MYLK: variants seen among roughly 807,000 people sequenced by gnomAD.
MYLK encodes myosin light chain kinase, smooth muscle.
In MYLK, 106 loss-of-function variants were observed where a neutral mutation model predicts 203.4. The ratio of observed to expected loss-of-function variants is 0.52; its 90% confidence interval spans 0.45 to 0.61. The LOEUF (loss-of-function observed/expected upper bound fraction) is 0.61. Among genes scored for constraint, MYLK ranks in the 20% least tolerant of loss-of-function variants. MYLK has a pLI of 0.00. For synonymous variants in MYLK, 867 were observed against 959.5 expected (o/e 0.90, Z 1.78); for missense variants, 2,072 against 2,442.3 (o/e 0.85, Z 3.20).
chr3:123,627,525 A>C (rs2058207469), intron 30 of MYLK, among the ~76,000 whole-genome samples: 1 of 152,224 alleles, frequency 6.6e-6, no homozygotes, highest in African/African-American at 2.4e-5. Flanking sequence ...CATCTTTCTG[A>C]AAGCTCTGGG....
intron 3 of MYLK, among the ~76,000 whole-genome samples, chr3:123,802,178 CTT>C (rs1416568480): frequency 6.6e-6 from 1 of 152,214 alleles, no homozygotes; most frequent in Non-Finnish European, 1.5e-5. Flanking sequence ...CCTTTCTACT[CTT>C]TGTTTCTCAG....
intron 2 of MYLK, among the ~76,000 whole-genome samples, chr3:123,837,040 T>C (rs1440608298): frequency 1.3e-5 from 2 of 152,118 alleles, no homozygotes; most frequent in Non-Finnish European, 1.5e-5. Flanking sequence ...TATAGTAACA[T>C]TTCTTTTTAT....
At chr3:123,835,427 A>C (rs2066452009) in intron 2 of MYLK, among the ~76,000 whole-genome samples, 1 of 152,238 alleles carries the variant, frequency 6.6e-6, no homozygotes, top group Non-Finnish European at 1.5e-5. Context: ...GCAACTGATC[A>C]GGGGTGGAAG....
chr3:123,652,696 C>T (rs1312130008), intron 24 of MYLK, among the ~76,000 whole-genome samples: 1 of 152,202 alleles, frequency 6.6e-6, no homozygotes, highest in East Asian at 1.9e-4. Context: ...AACAATTATA[C>T]AGACTAGAAC....
chr3:123,734,239 GT>G lies in MYLK; in HGVS notation c.774-18del. 2.7e-6 allele frequency: 4 copies of G among 1,483,458 alleles called. No homozygotes were observed. The highest frequency in any genetic ancestry group is 2.7e-6 in the Non-Finnish European group (3 of 1,119,832). 91.9% of individuals were successfully genotyped at this position (1,483,458 alleles called of 1,614,324 possible). ...ACAAATGACCTGTGTGGTGGTGAGG[GT>G]GGGGGTAGGGTGGGTGAGGAGAGGG... On this transcript the variant is annotated intron_variant, in intron 9 of 33. Transcript: ENST00000360304.
At chr3:123,768,903 C>A (rs986559014) in intron 4 of MYLK, among the ~76,000 whole-genome samples, 2 of 152,224 alleles carry the variant, frequency 1.3e-5, no homozygotes, top group African/African-American at 2.4e-5. Context: ...CACTCTCCCC[C>A]TCTCTGCCTG....
chr3:123,653,353 G>A (rs146525157), intron 24 of MYLK, among the ~76,000 whole-genome samples: 5 of 152,252 alleles, frequency 3.3e-5, no homozygotes, highest in East Asian at 1.9e-4. Context: ...TGAGCAGACC[G>A]TGGAGGACTT....
chr3:123,861,136 A>AG (rs2031865230), intron 2 of MYLK, among the ~76,000 whole-genome samples: 1 of 151,906 alleles, frequency 6.6e-6, no homozygotes, highest in Non-Finnish European at 1.5e-5. Context: ...TCTCAAAAAA[A>AG]AAACAAAAAA....
chr3:123,667,816 ACT>A (rs1014415090), intron 20 of MYLK, among the ~76,000 whole-genome samples: 4 of 151,908 alleles, frequency 2.6e-5, no homozygotes, highest in Non-Finnish European at 5.9e-5. Flanking sequence ...CTCATTAACC[ACT>A]CTCTCACCCT....
intron 23 of MYLK, among the ~76,000 whole-genome samples, chr3:123,661,766 G>A (rs944107033): frequency 6.6e-6 from 1 of 152,164 alleles, no homozygotes; most frequent in African/African-American, 2.4e-5. Flanking sequence ...TGGACAACTG[G>A]GGGTGGGGAG....
intron 4 of MYLK, among the ~76,000 whole-genome samples, chr3:123,762,706 G>A (rs2063573298): frequency 6.6e-6 from 1 of 152,196 alleles, no homozygotes; most frequent in Non-Finnish European, 1.5e-5. Flanking sequence ...TTAGAAAAGG[G>A]CTTGACGGAG....
At position 123,813,516 on chromosome 3, in the gene MYLK, C is replaced by CTCT. The variant is rs372645931; in HGVS notation, c.-4+18031_-4+18032insAGA. On this transcript the variant is annotated intron_variant, in intron 3 of 33. Coordinates refer to ENST00000360304, the MANE Select transcript of MYLK (RefSeq NM_053025.4). ...ATCTTAATTCACTGTCTCTCTCTCT[C>CTCT]TTTTTTTTTTTTGAGATGGAGTCTC... 1.0e-2 allele frequency among the ~76,000 whole-genome samples: 1,463 copies of CTCT among 146,348 alleles called. 23 individuals are homozygous for CTCT. Among genetic ancestry groups the CTCT allele is most frequent in the African/African-American group, 0.032 (1,288 of 40,104 alleles).
Position 123,739,019 on chromosome 3 carries a change from A to C in MYLK, c.466T>G (p.Trp156Gly), listed in dbSNP as rs1435726483. Residue 156 changes from tryptophan (W) to glycine (G), a missense_variant, in exon 7 of 34, where the codon TGG becomes GGG. Physicochemically the swap from Trp to Gly is radical, Grantham distance 184. Around this residue, in one of 3 missense-constraint regions of MYLK, gnomAD observed 683 missense variants for 643.8 expected, o/e 1.06. Transcript: ENST00000360304. ...APAVETRPSI[W>G]GECPPKFATK... ...GCAAACTTTGGTGGGCACTCCCCCC[A>C]GATGCTAGGACGGGTCTCCACTGCT... is the stretch of plus-strand genomic sequence containing the variant. 1 of 1,613,912 alleles carries C rather than the reference A, an allele frequency of 6.2e-7. No individual in the cohort carries two copies. The highest frequency in any genetic ancestry group is 8.5e-7 in the Non-Finnish European group (1 of 1,179,968).
intron 18 of MYLK, among the ~76,000 whole-genome samples, chr3:123,695,921 G>A (rs1004237717): frequency 2.6e-5 from 4 of 152,246 alleles, no homozygotes; most frequent in Admixed American, 6.5e-5. Flanking sequence ...GGCAGGTCCC[G>A]GAAGGGCTAG....
In MYLK at chr3:123,871,430, A is replaced by C. The variant is rs1031241199; in HGVS notation, c.-127+5129T>G. 2.6e-5 allele frequency among the ~76,000 whole-genome samples: 4 copies of C among 152,242 alleles called. No individual in the cohort carries two copies. The East Asian group carries it at 7.7e-4, about 29-fold the overall frequency. ...CAATAAAATTCACAAACTGCTAGCC[A>C]GATTGACCAAGAGCAAAAGAGAAGA... On this transcript the variant is annotated intron_variant, in intron 2 of 33. Transcript: ENST00000360304.
chr3:123,721,156 T>C (rs1437782076), intron 13 of MYLK, among the ~76,000 whole-genome samples: 1 of 152,192 alleles, frequency 6.6e-6, no homozygotes, highest in Non-Finnish European at 1.5e-5. Context: ...TCCCCTTTCC[T>C]TTTCTGCGAA....
At chr3:123,785,821 C>T (rs1024081930) in intron 4 of MYLK, among the ~76,000 whole-genome samples, 2 of 152,106 alleles carry the variant, frequency 1.3e-5, no homozygotes, top group African/African-American at 2.4e-5. Context: ...GCGGCTGATG[C>T]GGCTGAGGAA....
chr3:123,671,052 G>A (rs2108372883), intron 20 of MYLK, among the ~76,000 whole-genome samples: 1 of 152,378 alleles, frequency 6.6e-6, no homozygotes, highest in East Asian at 1.9e-4. Context: ...GGAAGGCACT[G>A]ATCAAGATCC....
At chr3:123,840,423 C>CTA (rs1221745435) in intron 2 of MYLK, among the ~76,000 whole-genome samples, 249 of 149,954 alleles carry the variant, frequency 1.7e-3, no homozygotes, top group African/African-American at 4.9e-3. Flanking sequence ...AAGTCTCTCT[C>CTA]TCTATATATA....
Sources: gnomAD v4.1 joint callset for allele counts (sites outside exome capture counted in the v4.1 genomes callset) on GRCh38, gnomAD v4.1.1 for gene constraint, gnomAD v4.1.1 regional missense constraint, MANE v1.5 for transcripts, NCBI Gene and HGNC (gene_info 2026-07-23, HGNC 2026-07-21) for gene names.